Variants in PRICKLE2 observed in about 807,000 individuals in gnomAD.
PRICKLE2 encodes the protein prickle-like protein 2.
PRICKLE2 carries 21 observed loss-of-function variants against 81.4 expected under a neutral mutation model. That is an observed-to-expected ratio of 0.26 (90% CI 0.18 to 0.37). The LOEUF (loss-of-function observed/expected upper bound fraction) is 0.37, where lower values mean the gene tolerates loss of function less well. Among genes scored for constraint, PRICKLE2 ranks in the 10% least tolerant of loss-of-function variants. The probability of loss-of-function intolerance (pLI) is 1.00; values close to 1 mark genes in which losing one functional copy is unlikely to be tolerated. For missense variants in PRICKLE2, 940 were observed against 1,109.0 expected (o/e 0.85, Z 2.16); for synonymous variants, 456 against 421.5 (o/e 1.08, Z -1.00).
At chr3:64,197,735 A>G (rs1468483263) in intron 2 of PRICKLE2, among the ~76,000 whole-genome samples, 1 of 152,166 alleles carries the variant, frequency 6.6e-6, no homozygotes, top group African/African-American at 2.4e-5. Flanking sequence ...GGTCAGGAAA[A>G]ATAACTAATG....
intron 2 of PRICKLE2, among the ~76,000 whole-genome samples, chr3:64,253,004 A>G (rs2079472087): frequency 1.3e-5 from 2 of 152,224 alleles, no homozygotes; most frequent in Admixed American, 1.3e-4. Context: ...ATGATCTATG[A>G]GTACCTTCCA....
At chr3:64,185,937 C>T (rs972138754) in intron 2 of PRICKLE2, among the ~76,000 whole-genome samples, 1 of 152,214 alleles carries the variant, frequency 6.6e-6, no homozygotes, top group Non-Finnish European at 1.5e-5. Context: ...TCCTCCCTCT[C>T]ATTTCCCCAT....
intron 7 of PRICKLE2, among the ~76,000 whole-genome samples, chr3:64,139,978 G>T (rs2077335348): frequency 1.3e-5 from 2 of 152,160 alleles, no homozygotes; most frequent in Admixed American, 6.5e-5. Flanking sequence ...AACTTCACTA[G>T]ACTGTGAGGT....
chr3:64,175,606 A>C (rs1274246573), intron 2 of PRICKLE2, among the ~76,000 whole-genome samples: 1 of 152,186 alleles, frequency 6.6e-6, no homozygotes, highest in Non-Finnish European at 1.5e-5. Context: ...CCTTAGATTT[A>C]TAGTTTAGTC....
chr3:64,100,466 T>C (rs554869043), intron 7 of PRICKLE2: 2 of 158,772 alleles, frequency 1.3e-5, no homozygotes, highest in African/African-American at 4.8e-5. Flanking sequence ...AAGTGGCAGG[T>C]GGCTCCCTAT....
At chr3:64,119,596 T>C (rs1322405189) in intron 7 of PRICKLE2, among the ~76,000 whole-genome samples, 2 of 152,188 alleles carry the variant, frequency 1.3e-5, no homozygotes, top group East Asian at 1.9e-4. Context: ...AGAACACTTA[T>C]GTACGATTGG....
intron 2 of PRICKLE2, among the ~76,000 whole-genome samples, chr3:64,257,737 G>C (rs1324885396): frequency 6.6e-6 from 1 of 152,192 alleles, no homozygotes. Flanking sequence ...CAGAGGATGA[G>C]AATCATCCCT....
At chr3:64,169,073 T>C (rs778201142) in intron 2 of PRICKLE2, among the ~76,000 whole-genome samples, 13 of 152,172 alleles carry the variant, frequency 8.5e-5, no homozygotes, top group Non-Finnish European at 1.6e-4. Context: ...AGCTCCTTAG[T>C]AGCTACATGT....
At chr3:64,258,018 C>T (rs368237801) in intron 2 of PRICKLE2, among the ~76,000 whole-genome samples, 1 of 152,170 alleles carries the variant, frequency 6.6e-6, no homozygotes, top group Non-Finnish European at 1.5e-5. Context: ...AAACACCGAA[C>T]CTGCAGGCAC....
intron 7 of PRICKLE2, among the ~76,000 whole-genome samples, chr3:64,125,268 T>C: frequency 6.6e-6 from 1 of 152,220 alleles, no homozygotes; most frequent in Non-Finnish European, 1.5e-5. Context: ...AAATAGATTC[T>C]ACTCCTGGTG....
At chr3:64,204,726 TA>T (rs1382707016) in intron 1 of PRICKLE2, among the ~76,000 whole-genome samples, 1 of 152,216 alleles carries the variant, frequency 6.6e-6, no homozygotes, top group Non-Finnish European at 1.5e-5. Context: ...ACTTCTCATT[TA>T]TAATTAACTG....
intron 7 of PRICKLE2, among the ~76,000 whole-genome samples, chr3:64,134,027 T>A (rs918772530): frequency 6.6e-6 from 1 of 152,172 alleles, no homozygotes; most frequent in Non-Finnish European, 1.5e-5. Flanking sequence ...GGGTACCAAA[T>A]AATACAAGTA....
intron 7 of PRICKLE2, among the ~76,000 whole-genome samples, chr3:64,115,237 T>C (rs577730470): frequency 9.2e-5 from 14 of 152,318 alleles, no homozygotes; most frequent in Admixed American, 7.8e-4. Flanking sequence ...TACCAGCCTC[T>C]GTAAAAACAC....
intron 1 of PRICKLE2, among the ~76,000 whole-genome samples, chr3:64,205,974 C>T (rs1342692154): frequency 1.3e-5 from 2 of 152,132 alleles, no homozygotes; most frequent in African/African-American, 4.8e-5. Flanking sequence ...TCATTTCTAG[C>T]ATGTGCCAAA....
intron 1 of PRICKLE2, among the ~76,000 whole-genome samples, chr3:64,213,299 G>A (rs2078820847): frequency 1.3e-5 from 2 of 151,920 alleles, no homozygotes; most frequent in Admixed American, 6.6e-5. Flanking sequence ...GGCTGGTCTC[G>A]AACTCCTGAC....
chr3:64,267,112 C>T (rs780240901), intron 2 of PRICKLE2, among the ~76,000 whole-genome samples: 1 of 152,036 alleles, frequency 6.6e-6, no homozygotes, highest in African/African-American at 2.4e-5. Context: ...TCCCAGGGCA[C>T]GGCTGCCCAG....
chr3:64,146,214 C>CAG (rs1224860640), intron 7 of PRICKLE2: 1 of 155,916 alleles, frequency 6.4e-6, no homozygotes, highest in Non-Finnish European at 1.4e-5. Context: ...TGGGATCAGG[C>CAG]AGAAGCCAGA....
At chr3:64,219,730 A>T (rs1362557481) in intron 1 of PRICKLE2, among the ~76,000 whole-genome samples, 1 of 152,216 alleles carries the variant, frequency 6.6e-6, no homozygotes, top group East Asian at 1.9e-4. Flanking sequence ...ATATAAGAGA[A>T]ACAAACACAT....
At chr3:64,220,610 G>A (rs2078936701) in intron 1 of PRICKLE2, among the ~76,000 whole-genome samples, 1 of 152,180 alleles carries the variant, frequency 6.6e-6, no homozygotes, top group African/African-American at 2.4e-5. Flanking sequence ...GGAGCTATCA[G>A]AGAACCCCCG....
Sources: gnomAD v4.1 joint callset for allele counts (sites outside exome capture counted in the v4.1 genomes callset) on GRCh38, gnomAD v4.1.1 for gene constraint, MANE v1.5 for transcripts, NCBI Gene and HGNC (gene_info 2026-07-23, HGNC 2026-07-21) for gene names.